FRMPD4: variants seen among roughly 807,000 people sequenced by gnomAD.
The protein encoded by FRMPD4 is FERM and PDZ domain-containing protein 4.
Under a neutral mutation model 94.1 loss-of-function variants are expected in FRMPD4, and 22 were observed. That is an observed-to-expected ratio of 0.23 (90% CI 0.17 to 0.33). The LOEUF (loss-of-function observed/expected upper bound fraction) is 0.33, where lower values mean the gene tolerates loss of function less well. FRMPD4 is among the 10% of genes least tolerant of loss of function. The pLI, the probability that FRMPD4 is intolerant of heterozygous loss-of-function variation, is 1.00. For synonymous variants in FRMPD4, 631 were observed against 548.6 expected, an observed-to-expected ratio of 1.15 and a Z score of -2.10; for missense variants, 1,111 against 1,339.9, an observed-to-expected ratio of 0.83 and a Z score of 2.67.
At chrX:12,399,093 G>A (rs1338862119) in intron 1 of FRMPD4, among the ~76,000 whole-genome samples, 2 of 111,449 alleles carry the variant, frequency 1.8e-5, no homozygotes, top group Non-Finnish European at 3.8e-5. Context: ...CTGGCTAACT[G>A]GTTTGCAGCC....
At chrX:12,319,181 C>G (rs1195972495) in intron 1 of FRMPD4, among the ~76,000 whole-genome samples, 1 of 111,757 alleles carries the variant, frequency 8.9e-6, no homozygotes. Context: ...GCCTGAAAAG[C>G]TGAAAGTATT....
chrX:12,519,549 ATGGGAC>A (rs1230927981), intron 2 of FRMPD4, among the ~76,000 whole-genome samples: 2 of 112,444 alleles, frequency 1.8e-5, no homozygotes, highest in Non-Finnish European at 3.8e-5. Context: ...AAATAGACAA[ATGGGAC>A]TACATTAAAT....
chrX:12,202,959 C>G (rs947855778), intron 1 of FRMPD4, among the ~76,000 whole-genome samples: 1 of 112,141 alleles, frequency 8.9e-6, no homozygotes, highest in African/African-American at 3.2e-5. Flanking sequence ...TCAGAGGAAG[C>G]ATGGCCCTGC....
intron 3 of FRMPD4, among the ~76,000 whole-genome samples, chrX:12,127,827 T>A (rs886371636): frequency 1.8e-5 from 2 of 112,735 alleles, no homozygotes; most frequent in African/African-American, 6.4e-5. Flanking sequence ...TCATTCTAAA[T>A]GGGAGAAATT....
Position 12,534,582 on chromosome X carries a change from C to A in FRMPD4, c.158+35786C>A, listed in dbSNP as rs994723509. Among the ~76,000 whole-genome samples, 3 of 112,600 alleles carry A rather than the reference C, an allele frequency of 2.7e-5. No homozygotes were observed. The Admixed American group carries it at 2.8e-4, about 11-fold the overall frequency. On this transcript the variant is annotated intron_variant, in intron 2 of 16. Coordinates refer to ENST00000675598, the MANE Select transcript of FRMPD4 (RefSeq NM_001368397.1). ...TGGAACTGCCTGAGACCATGGGAAC[C>A]TACCTCTTACATCAGCATGACCTGG...
intron 1 of FRMPD4, among the ~76,000 whole-genome samples, chrX:12,237,790 G>A (rs1484189319): frequency 1.8e-5 from 2 of 112,387 alleles, no homozygotes; most frequent in African/African-American, 6.5e-5. Context: ...AAACTAAAAT[G>A]TATCATTATG....
chrX:12,417,783 G>A (rs1236465128), intron 1 of FRMPD4, among the ~76,000 whole-genome samples: 1 of 107,846 alleles, frequency 9.3e-6, no homozygotes, highest in Non-Finnish European at 1.9e-5. Flanking sequence ...GCCGAGGCGG[G>A]CGGATCACGA....
chrX:12,549,227 T>C (rs1206523390), intron 2 of FRMPD4, among the ~76,000 whole-genome samples: 1 of 111,852 alleles, frequency 8.9e-6, no homozygotes, highest in Non-Finnish European at 1.9e-5. Flanking sequence ...TTGGCTTGTG[T>C]CACGAAGGGA....
At chrX:12,059,094 T>C (rs2054870822) in intron 3 of FRMPD4, among the ~76,000 whole-genome samples, 1 of 111,984 alleles carries the variant, frequency 8.9e-6, no homozygotes, top group African/African-American at 3.2e-5. Flanking sequence ...ACATTTCACC[T>C]GACTTAGTGT....
At chrX:12,028,113 A>G (rs752027325) in intron 3 of FRMPD4, among the ~76,000 whole-genome samples, 4 of 112,080 alleles carry the variant, frequency 3.6e-5, no homozygotes, top group Non-Finnish European at 7.5e-5. Flanking sequence ...CACAAGCTTG[A>G]AAGCAAGATG....
intron 1 of FRMPD4, among the ~76,000 whole-genome samples, chrX:12,193,624 C>A (rs771362875): frequency 7.7e-5 from 8 of 103,577 alleles, no homozygotes; most frequent in Non-Finnish European, 1.6e-4. Flanking sequence ...GAAAGCAAGC[C>A]TCAGATCAAA....
At chrX:12,715,404 G>A (rs1030173773) in intron 14 of FRMPD4, among the ~76,000 whole-genome samples, 1 of 111,602 alleles carries the variant, frequency 9.0e-6, no homozygotes, top group African/African-American at 3.3e-5. Context: ...GCCACCTTAT[G>A]CATTTTATAC....
intron 6 of FRMPD4, 50 bp downstream of exon 6, chrX:12,683,637 G>A: frequency 1.6e-6 from 1 of 642,576 alleles, no homozygotes. Flanking sequence ...CAATGAGGCA[G>A]AAGCTTTGCA....
rs750471145 is a variant in FRMPD4, at chrX:12,489,676, A to G, written c.42-9004A>G. Among the ~76,000 whole-genome samples, 11 of 112,344 alleles carry G rather than the reference A, an allele frequency of 9.8e-5. No homozygotes were observed. In the South Asian group the frequency reaches 4.1e-3, roughly 42 times the overall value. On this transcript the variant is annotated intron_variant, in intron 1 of 16. Coordinates refer to ENST00000675598, the MANE Select transcript of FRMPD4 (RefSeq NM_001368397.1). ...CCTGAGAGCAATACACAGGTTCCAT[A>G]TTACCGCTAAAGGCAACAGACTGGG...
At chrX:12,198,797 G>GA (rs1276190283) in intron 1 of FRMPD4, among the ~76,000 whole-genome samples, 1 of 111,997 alleles carries the variant, frequency 8.9e-6, no homozygotes, top group Non-Finnish European at 1.9e-5. Flanking sequence ...CATTTATAGT[G>GA]AAAAAATAGA....
chrX:12,502,711 A>C (rs1241635619), intron 2 of FRMPD4, among the ~76,000 whole-genome samples: 1 of 112,297 alleles, frequency 8.9e-6, no homozygotes, highest in Non-Finnish European at 1.9e-5. Context: ...ATAGACATTG[A>C]CGTAAGTATT....
chrX:12,372,268 C>T (rs942047680), intron 1 of FRMPD4, among the ~76,000 whole-genome samples: 13 of 112,941 alleles, frequency 1.2e-4, no homozygotes, highest in Middle Eastern at 4.2e-3. Flanking sequence ...CAGAAGCTGC[C>T]GGAAACGTGT....
intron 4 of FRMPD4, among the ~76,000 whole-genome samples, chrX:12,645,566 G>T (rs775133658): frequency 2.7e-5 from 3 of 109,310 alleles, no homozygotes; most frequent in Non-Finnish European, 5.7e-5. Flanking sequence ...TGTTGGTCAG[G>T]CTAGTCTCGA....
At chrX:11,822,677 A>G (rs2053419477) in exon 1 of FRMPD4, among the ~76,000 whole-genome samples, 1 of 112,448 alleles carries the variant, frequency 8.9e-6, no homozygotes, top group Non-Finnish European at 1.9e-5. Context: ...GGTGGTGGCC[A>G]GGGCAGAGGC....
Sources: gnomAD v4.1 joint callset for allele counts (sites outside exome capture counted in the v4.1 genomes callset) on GRCh38, gnomAD v4.1.1 for gene constraint, MANE v1.5 for transcripts, NCBI Gene and HGNC (gene_info 2026-07-23, HGNC 2026-07-21) for gene names.